Variants in MTUS1 observed in about 807,000 individuals in gnomAD.
MTUS1 encodes microtubule associated scaffold protein 1, also known as microtubule-associated tumor suppressor 1.
Under a neutral mutation model 120.8 loss-of-function variants are expected in MTUS1, and 109 were observed. That is an observed-to-expected ratio of 0.90 (90% CI 0.77 to 1.06). MTUS1 has a LOEUF of 1.06. MTUS1 is among the 50% of genes least tolerant of loss of function. The pLI, the probability that MTUS1 is intolerant of heterozygous loss-of-function variation, is 0.00. For synonymous variants in MTUS1, 737 were observed against 550.5 expected (o/e 1.34, Z -4.74); for missense variants, 2,210 against 1,486.3 (o/e 1.49, Z -8.01).
At chr8:17,715,352 C>A (rs889176643) in intron 5 of MTUS1, among the ~76,000 whole-genome samples, 16 of 152,044 alleles carry the variant, frequency 1.1e-4, no homozygotes, top group African/African-American at 3.9e-4. Context: ...TGAGAAGGAA[C>A]AGAGATAAAG....
At chr8:17,747,141 C>T (rs542378562) in intron 2 of MTUS1, among the ~76,000 whole-genome samples, 1 of 152,294 alleles carries the variant, frequency 6.6e-6, no homozygotes, top group Non-Finnish European at 1.5e-5. Flanking sequence ...CTTCACAAGG[C>T]CCAGCAATCC....
intron 1 of MTUS1, among the ~76,000 whole-genome samples, chr8:17,792,463 T>C (rs1263010615): frequency 6.6e-6 from 1 of 152,236 alleles, no homozygotes; most frequent in Non-Finnish European, 1.5e-5. Flanking sequence ...GAAACAGAAA[T>C]GTAGGATTTT....
chr8:17,674,109 C>G (rs35627095), intron 8 of MTUS1, among the ~76,000 whole-genome samples: 2 of 151,902 alleles, frequency 1.3e-5, no homozygotes, highest in African/African-American at 4.8e-5. Flanking sequence ...AACCCCAAAG[C>G]GGTCAGATCA....
intron 13 of MTUS1, among the ~76,000 whole-genome samples, chr8:17,648,664 C>G (rs576940714): frequency 1.4e-4 from 22 of 152,320 alleles, no homozygotes; most frequent in African/African-American, 5.3e-4. Context: ...TGGCCGTTAT[C>G]TCCCTCAACA....
At chr8:17,776,002 T>C (rs2050399929) in intron 1 of MTUS1, among the ~76,000 whole-genome samples, 1 of 152,194 alleles carries the variant, frequency 6.6e-6, no homozygotes, top group African/African-American at 2.4e-5. Flanking sequence ...TCATGGAATA[T>C]TCCCAGTCAA....
At chr8:17,799,377 C>G (rs955762066) in intron 1 of MTUS1, among the ~76,000 whole-genome samples, 2 of 152,000 alleles carry the variant, frequency 1.3e-5, no homozygotes, top group Non-Finnish European at 2.9e-5. Context: ...AAAACCTCCA[C>G]GCAATAGTAT....
chr8:17,701,441 T>C (rs1018576057), intron 6 of MTUS1, among the ~76,000 whole-genome samples: 4 of 152,202 alleles, frequency 2.6e-5, no homozygotes, highest in Admixed American at 6.5e-5. Context: ...AACAGTGACA[T>C]TGCCTTTTAT....
At chr8:17,767,026 T>TCTTA (rs2049562380) in intron 1 of MTUS1, among the ~76,000 whole-genome samples, 4 of 152,098 alleles carry the variant, frequency 2.6e-5, no homozygotes, top group Non-Finnish European at 5.9e-5. Context: ...GGCACAACCA[T>TCTTA]TTGCCATCTT....
At chr8:17,793,375 G>A (rs2051957230) in intron 1 of MTUS1, among the ~76,000 whole-genome samples, 1 of 152,072 alleles carries the variant, frequency 6.6e-6, no homozygotes. Context: ...ATGAAACAAT[G>A]GATGAGGGGG....
intron 6 of MTUS1, among the ~76,000 whole-genome samples, chr8:17,686,511 A>G (rs1049087763): frequency 2.6e-5 from 4 of 152,198 alleles, no homozygotes; most frequent in East Asian, 1.9e-4. Flanking sequence ...TATCATTTGT[A>G]TATGTCCTAC....
intron 1 of MTUS1, among the ~76,000 whole-genome samples, chr8:17,779,327 G>C (rs577611303): frequency 2.6e-4 from 40 of 152,292 alleles, no homozygotes; most frequent in African/African-American, 9.6e-4. Flanking sequence ...ACCAGGAGAC[G>C]TAATGATGTG....
chr8:17,688,982 C>T (rs753596463), intron 6 of MTUS1, among the ~76,000 whole-genome samples: 5 of 152,108 alleles, frequency 3.3e-5, no homozygotes, highest in South Asian at 2.1e-4. Context: ...GAGGCCAAGG[C>T]GGGCAGATCA....
rs1815313353 is a variant in MTUS1 at position 17,684,454 on chromosome 8, T to A, written c.2712A>T (p.Glu904Asp). ...PDALPPEKTL[E>D]LTQYKTKCEN... ...CACATTTTGTTTTATATTGCGTCAA[T>A]TCAAGTGTTTTCTCAGGGGGCAGCG... is the stretch of plus-strand genomic sequence containing the variant. The change falls in exon 7 of 15, where the codon GAA becomes GAT. Residue 904 changes from glutamate (E) to aspartate (D), a missense_variant. Coordinates refer to ENST00000693296, the MANE Select transcript of MTUS1 (RefSeq NM_001363059.2). The A allele has an allele frequency of 1.2e-5, 19 of 1,614,230 alleles. No homozygotes were observed. The highest frequency in any genetic ancestry group is 1.5e-5 in the Non-Finnish European group (18 of 1,180,018).
intron 1 of MTUS1, among the ~76,000 whole-genome samples, chr8:17,760,285 T>C (rs2048942116): frequency 6.7e-6 from 1 of 149,526 alleles, no homozygotes; most frequent in African/African-American, 2.6e-5. Context: ...CCCACAAACA[T>C]GTGTTCATAA....
intron 6 of MTUS1, among the ~76,000 whole-genome samples, chr8:17,690,461 T>C (rs956382716): frequency 1.3e-5 from 2 of 152,188 alleles, no homozygotes; most frequent in African/African-American, 4.8e-5. Context: ...ACAATCTCTA[T>C]GGAAAACAGT....
chr8:17,698,935 C>A (rs1007607791), intron 6 of MTUS1, among the ~76,000 whole-genome samples: 13 of 152,110 alleles, frequency 8.5e-5, no homozygotes, highest in Non-Finnish European at 1.6e-4. Flanking sequence ...TAGGTGTTGC[C>A]TTTTACTTCA....
intron 6 of MTUS1, chr8:17,691,308 T>C (rs1026860002): frequency 2.0e-5 from 3 of 152,260 alleles, no homozygotes; most frequent in Admixed American, 2.0e-4. Flanking sequence ...ATCTTACCTA[T>C]TGTGAGCAAA....
At chr8:17,654,533 G>A (rs905370478) in intron 10 of MTUS1, 28 bp downstream of exon 10, 2 of 1,382,808 alleles carry the variant, frequency 1.4e-6, no homozygotes, top group Admixed American at 3.4e-5. Context: ...ATTTTATTCT[G>A]TTTAAAGAGG....
At chr8:17,748,028 G>T (rs1760711019) in intron 2 of MTUS1, 2 of 152,134 alleles carry the variant, frequency 1.3e-5, no homozygotes, top group African/African-American at 2.4e-5. Context: ...CTCCCACTGG[G>T]TCCTTCCCAC....
Sources: allele counts gnomAD v4.1 joint callset (sites outside exome capture counted in the v4.1 genomes callset), GRCh38; gene constraint gnomAD v4.1.1; transcripts MANE v1.5; gene names NCBI Gene and HGNC (gene_info 2026-07-23, HGNC 2026-07-21).